P2RY8: variants seen among roughly 807,000 people sequenced by gnomAD.
P2RY8 encodes S-geranylgeranyl-glutathione receptor P2RY8.
A neutral mutation model predicts 10.0 loss-of-function variants in P2RY8; 6 were observed. That is an observed-to-expected ratio of 0.60 (90% CI 0.33 to 1.19). P2RY8 has a LOEUF of 1.19. P2RY8 is among the 50% of genes most tolerant of loss of function. The pLI is 0.04. For synonymous variants in P2RY8, 276 were observed against 252.5 expected, an observed-to-expected ratio of 1.09 and a Z score of -0.88; for missense variants, 456 against 542.0, an observed-to-expected ratio of 0.84 and a Z score of 1.58.
rs1251742305 is a variant in P2RY8 at position 1,494,869 on chromosome X, A to T, written c.-24-28287T>A. Among the ~76,000 whole-genome samples, 880 of 143,928 alleles carry T rather than the reference A, an allele frequency of 6.1e-3. 3 individuals carry two copies. The highest frequency in any genetic ancestry group is 0.011 in the Non-Finnish European group (707 of 66,564). 94.4% of individuals were successfully genotyped at this position (143,928 alleles called of 152,430 possible). A position where few individuals can be genotyped will look rare whatever the true frequency, so the allele number is the denominator to read the frequency against. On this transcript the variant is annotated intron_variant, in intron 1 of 1. Coordinates refer to ENST00000381297, the MANE Select transcript of P2RY8 (RefSeq NM_178129.5). ...AGGCATACATCACCACACCTGGCTA[A>T]TTTTTTTTTTTTTTTGTATTTTTTT...
chrX:1,486,841 GC>G (rs2091990593), intron 1 of P2RY8, among the ~76,000 whole-genome samples: 1 of 152,134 alleles, frequency 6.6e-6, no homozygotes. Flanking sequence ...CCCTGCCCGC[GC>G]TGAGTCCTGA....
intron 1 of P2RY8, among the ~76,000 whole-genome samples, chrX:1,481,900 C>G (rs2091939377): frequency 6.6e-6 from 1 of 152,180 alleles, no homozygotes; most frequent in South Asian, 2.1e-4. Flanking sequence ...ATGCTCTGAG[C>G]TCTGCCGCTG....
chrX:1,472,041 A>G (rs2066470213), intron 1 of P2RY8, among the ~76,000 whole-genome samples: 1 of 152,108 alleles, frequency 6.6e-6, no homozygotes. Context: ...AAGACAGCAA[A>G]TGGCACTCTG....
At chrX:1,473,321 G>A (rs2091819755) in intron 1 of P2RY8, among the ~76,000 whole-genome samples, 1 of 145,086 alleles carries the variant, frequency 6.9e-6, no homozygotes, top group Non-Finnish European at 1.5e-5. Flanking sequence ...GATGGGGATG[G>A]GTAGATGGAT....
At chrX:1,523,115 A>AAATAAAT (rs1320486411) in intron 1 of P2RY8, among the ~76,000 whole-genome samples, 118 of 150,994 alleles carry the variant, frequency 7.8e-4, no homozygotes, top group African/African-American at 2.7e-3. Flanking sequence ...ATAAATAAAT[A>AAATAAAT]AATAAAACAA....
rs2092334973 is a variant in P2RY8, at chrX:1,515,020, C to T, written c.-25+21901G>A. 2.0e-5 allele frequency among the ~76,000 whole-genome samples: 3 copies of T among 150,062 alleles called. No homozygotes were observed. The South Asian group carries it at 6.4e-4, about 32-fold the overall frequency. ...CCTGGTTCAAGCAATTCTCCTGCCT[C>T]AGCCTCCCGAGTAGAGTAGCTGGGA... On this transcript the variant is annotated intron_variant, in intron 1 of 1. Coordinates refer to ENST00000381297, the MANE Select transcript of P2RY8 (RefSeq NM_178129.5).
At chrX:1,520,451 CTGG>C (rs2092382882) in intron 1 of P2RY8, among the ~76,000 whole-genome samples, 1 of 151,334 alleles carries the variant, frequency 6.6e-6, no homozygotes, top group South Asian at 2.1e-4. Context: ...AATATTCTCT[CTGG>C]TCCCCAATCA....
At chrX:1,496,385 G>C (rs1394061098) in intron 1 of P2RY8, among the ~76,000 whole-genome samples, 1 of 152,178 alleles carries the variant, frequency 6.6e-6, no homozygotes, top group East Asian at 1.9e-4. Context: ...TGGCGTTGGG[G>C]AGCCACATGA....
At chrX:1,482,932 G>A (rs766704891) in intron 1 of P2RY8, among the ~76,000 whole-genome samples, 3 of 151,748 alleles carry the variant, frequency 2.0e-5, no homozygotes, top group African/African-American at 4.8e-5. Flanking sequence ...ATCACACACC[G>A]GGGACTGTTG....
intron 1 of P2RY8, among the ~76,000 whole-genome samples, chrX:1,469,620 G>C (rs763527496): frequency 3.9e-5 from 6 of 152,020 alleles, no homozygotes; most frequent in Non-Finnish European, 8.8e-5. Flanking sequence ...AGCCGGGCAC[G>C]GTGGCTCACA....
chrX:1,519,706 A>G (rs2092377026), intron 1 of P2RY8, among the ~76,000 whole-genome samples: 2 of 151,694 alleles, frequency 1.3e-5, no homozygotes, highest in Non-Finnish European at 2.9e-5. Context: ...GTCCCTAATC[A>G]TCTCTCTGGT....
At chrX:1,509,721 G>GCAT (rs2092280330) in intron 1 of P2RY8, among the ~76,000 whole-genome samples, 1 of 99,200 alleles carries the variant, frequency 1.0e-5, no homozygotes, top group Non-Finnish European at 2.2e-5. Flanking sequence ...TTCTATCTAT[G>GCAT]CATCTATGTA....
At chrX:1,528,867 C>T (rs1366104272) in intron 1 of P2RY8, among the ~76,000 whole-genome samples, 3 of 151,844 alleles carry the variant, frequency 2.0e-5, no homozygotes, top group Non-Finnish European at 4.4e-5. Context: ...TGAGTGTGGA[C>T]TTGAGTCTCT....
chrX:1,528,813 G>C (rs1228723128), intron 1 of P2RY8, among the ~76,000 whole-genome samples: 1 of 151,984 alleles, frequency 6.6e-6, no homozygotes, highest in Non-Finnish European at 1.5e-5. Context: ...ATTGCGTGTG[G>C]GTTTGAGTCT....
chrX:1,496,379 G>A (rs1485543970), intron 1 of P2RY8, among the ~76,000 whole-genome samples: 3 of 152,182 alleles, frequency 2.0e-5, no homozygotes, highest in African/African-American at 4.8e-5. Context: ...CTGCCTTGGC[G>A]TTGGGGAGCC....
chrX:1,465,559 G>T lies in P2RY8; in HGVS notation c.1000C>A (p.Arg334Ser), dbSNP rs373565479. 2.8e-5 allele frequency: 45 copies of T among 1,612,320 alleles called. No homozygotes were observed. Among genetic ancestry groups the T allele is most frequent in the Non-Finnish European group, 3.7e-5 (44 of 1,179,766 alleles). ...TCAGGGTGCGCACCGGCCTCGGAGC[G>T]CACGGACGTGGTCCTGGCGGAGAAG... ...SLFSARTTSV[R>S]SEAGAHPEGM... Residue 334 changes from arginine to serine, a missense_variant, in exon 2 of 2, where the codon CGC becomes AGC. By Grantham distance (110) the Arg-to-Ser change is moderately radical. Transcript: ENST00000381297.
In P2RY8 at chrX:1,513,414, C is replaced by T. The variant is rs764125253; in HGVS notation, c.-25+23507G>A. 1.9e-3 allele frequency among the ~76,000 whole-genome samples: 296 copies of T among 152,316 alleles called. 1 individual carries two copies. The highest frequency in any genetic ancestry group is 6.7e-3 in the African/African-American group (279 of 41,580). ...ATATCAACCATCCTCCCTGTGGAGG[C>T]TCTAGGGGAGGATCCCTCCTGCCTC... is the stretch of plus-strand genomic sequence containing the variant. On this transcript the variant is annotated intron_variant, in intron 1 of 1. Coordinates refer to ENST00000381297, the MANE Select transcript of P2RY8 (RefSeq NM_178129.5).
intron 1 of P2RY8, among the ~76,000 whole-genome samples, chrX:1,507,677 C>A (rs1327120652): frequency 6.6e-6 from 1 of 152,150 alleles, no homozygotes; most frequent in Non-Finnish European, 1.5e-5. Flanking sequence ...GCGCGATTTC[C>A]GCCCCCCTGC....
rs138675747 is a variant in P2RY8 at position 1,500,518 on chromosome X, C to G, written c.-24-33936G>C. 7.9e-3 allele frequency among the ~76,000 whole-genome samples: 1,183 copies of G among 150,154 alleles called. 18 individuals are homozygous for G. Among genetic ancestry groups the G allele is most frequent in the African/African-American group, 0.027 (1,114 of 40,832 alleles). On this transcript the variant is annotated intron_variant, in intron 1 of 1. Coordinates refer to ENST00000381297, the MANE Select transcript of P2RY8 (RefSeq NM_178129.5). ...GGAGTGCAGTGGTGTGATCTCGGCTCACTGCAACCTCCGCCTCCCGAGTTC... is the reference window on the plus strand; with the variant it reads ...GGAGTGCAGTGGTGTGATCTCGGCTGACTGCAACCTCCGCCTCCCGAGTTC...
Sources: gnomAD v4.1 joint callset for allele counts (sites outside exome capture counted in the v4.1 genomes callset) on GRCh38, gnomAD v4.1.1 for gene constraint, MANE v1.5 for transcripts, NCBI Gene and HGNC (gene_info 2026-07-23, HGNC 2026-07-21) for gene names.